ARK2C: variants seen among roughly 807,000 people sequenced by gnomAD.
ARK2C encodes the protein E3 ubiquitin-protein ligase ARK2C.
At chr18:46,433,412 G>T in the ARK2C span, 4 of 1,613,410 alleles carry the variant, frequency 2.5e-6, no homozygotes, top group Non-Finnish European at 3.4e-6. Context: ...GACGTCACAG[G>T]TCCCTCCTTC....
the ARK2C span, among the ~76,000 whole-genome samples, chr18:46,425,574 G>C: frequency 6.6e-6 from 1 of 152,274 alleles, no homozygotes; most frequent in African/African-American, 2.4e-5. Context: ...GGAGCATCAG[G>C]ACCTCCAGCT....
At chr18:46,387,412 T>G in the ARK2C span, among the ~76,000 whole-genome samples, 1 of 152,004 alleles carries the variant, frequency 6.6e-6, no homozygotes, top group South Asian at 2.1e-4. Flanking sequence ...CCTTTGGGAG[T>G]GAATCCAGTA....
At chr18:46,346,877 G>A in the ARK2C span, among the ~76,000 whole-genome samples, 26 of 152,312 alleles carry the variant, frequency 1.7e-4, no homozygotes, top group African/African-American at 5.3e-4. Flanking sequence ...GCATATTTCA[G>A]CTTAATTGTG....
At chr18:46,405,478 G>A in the ARK2C span, among the ~76,000 whole-genome samples, 1 of 152,178 alleles carries the variant, frequency 6.6e-6, no homozygotes, top group African/African-American at 2.4e-5. Flanking sequence ...ACACAGCTGA[G>A]GCAATAGGAT....
the ARK2C span, chr18:46,337,174 C>T: frequency 2.0e-6 from 2 of 984,998 alleles, no homozygotes; most frequent in Non-Finnish European, 1.2e-6. Flanking sequence ...AATAAAGTCC[C>T]AAATAGCCTC....
At chr18:46,431,070 T>C in the ARK2C span, among the ~76,000 whole-genome samples, 1 of 152,182 alleles carries the variant, frequency 6.6e-6, no homozygotes, top group East Asian at 1.9e-4. Flanking sequence ...CAGGCCCCGG[T>C]GTGTGATGTT....
chr18:46,398,247 G>A, the ARK2C span, among the ~76,000 whole-genome samples: 4 of 141,056 alleles, frequency 2.8e-5, no homozygotes, highest in East Asian at 2.2e-4. Flanking sequence ...GGGGTCATGC[G>A]GAGGTGTGAG....
chr18:46,383,188 C>T, the ARK2C span, among the ~76,000 whole-genome samples: 2 of 152,246 alleles, frequency 1.3e-5, no homozygotes, highest in African/African-American at 4.8e-5. Flanking sequence ...GAGATGCCGT[C>T]AGGCCCCTCC....
chr18:46,433,284 C>T, the ARK2C span: 13 of 1,610,970 alleles, frequency 8.1e-6, no homozygotes, highest in East Asian at 2.9e-4. Context: ...CTCCCGACTT[C>T]CCGCTGGCCC....
the ARK2C span, among the ~76,000 whole-genome samples, chr18:46,375,641 G>A: frequency 3.3e-5 from 5 of 151,778 alleles, no homozygotes; most frequent in Admixed American, 1.3e-4. Context: ...AATGAATTGC[G>A]CCGTTATATG....
chr18:46,345,300 C>T, the ARK2C span, among the ~76,000 whole-genome samples: 1 of 152,188 alleles, frequency 6.6e-6, no homozygotes, highest in African/African-American at 2.4e-5. Context: ...CAGCAGCCAG[C>T]CCCCAGCTTG....
chr18:46,392,585 G>A, the ARK2C span, among the ~76,000 whole-genome samples: 1 of 152,038 alleles, frequency 6.6e-6, no homozygotes, highest in African/African-American at 2.4e-5. Flanking sequence ...GAGAGGCTCT[G>A]GGGAGCCCTT....
At chr18:46,458,164 G>A in the ARK2C span, 1 of 152,572 alleles carries the variant, frequency 6.6e-6, no homozygotes. Flanking sequence ...AACCTTGTGG[G>A]GTGTCGGGAT....
the ARK2C span, among the ~76,000 whole-genome samples, chr18:46,341,012 A>G: frequency 6.6e-6 from 1 of 151,846 alleles, no homozygotes; most frequent in East Asian, 1.9e-4. Flanking sequence ...GAAAGTACGT[A>G]GCAGGAGGGA....
the ARK2C span, among the ~76,000 whole-genome samples, chr18:46,367,047 C>T: frequency 7.2e-5 from 11 of 152,290 alleles, no homozygotes; most frequent in South Asian, 1.5e-3. Flanking sequence ...AGCAAAATAA[C>T]GCTATGGACC....
chr18:46,407,972 G>A, the ARK2C span, among the ~76,000 whole-genome samples: 19,793 of 152,198 alleles, frequency 0.13, 1,397 homozygotes, highest in East Asian at 0.28. Flanking sequence ...CCTTCCTGGG[G>A]GAGGTGGCAT....
the ARK2C span, among the ~76,000 whole-genome samples, chr18:46,423,464 G>A: frequency 0.016 from 2,483 of 152,314 alleles, 27 homozygotes; most frequent in South Asian, 0.042. Context: ...GAACTCAGGA[G>A]AGAGAGAGGG....
chr18:46,456,438 G>A, the ARK2C span: 3 of 999,540 alleles, frequency 3.0e-6, no homozygotes, highest in Non-Finnish European at 4.7e-6. Flanking sequence ...CAGTTCCCCA[G>A]GAGTCCTAGG....
the ARK2C span, among the ~76,000 whole-genome samples, chr18:46,424,498 C>G: frequency 6.6e-6 from 1 of 152,202 alleles, no homozygotes; most frequent in African/African-American, 2.4e-5. Flanking sequence ...ACTTCAAATG[C>G]TGGGTGTCAC....
Sources: gnomAD v4.1 joint callset for allele counts (sites outside exome capture counted in the v4.1 genomes callset) on GRCh38, gnomAD v4.1.1 for gene constraint, MANE v1.5 for transcripts, NCBI Gene and HGNC (gene_info 2026-07-23, HGNC 2026-07-21) for gene names.